CDC5L: variants seen among roughly 807,000 people sequenced by gnomAD.
CDC5L encodes the protein cell division cycle 5-like protein.
Under a neutral mutation model 104.1 loss-of-function variants are expected in CDC5L, and 18 were observed. The observed-to-expected ratio is 0.17, with a 90% CI of 0.12 to 0.26. The LOEUF (loss-of-function observed/expected upper bound fraction) is 0.26. Ranked by LOEUF, CDC5L falls within the 10% of genes least tolerant of loss-of-function variation. CDC5L has a pLI of 1.00. For synonymous variants in CDC5L, 331 were observed against 322.7 expected (o/e 1.03, Z -0.28); for missense variants, 673 against 956.9 (o/e 0.70, Z 3.91).
chr6:44,428,854 G>A (rs1329084615), intron 13 of CDC5L, among the ~76,000 whole-genome samples: 2 of 152,126 alleles, frequency 1.3e-5, no homozygotes, highest in Non-Finnish European at 2.9e-5. Context: ...ACAAAAAGAT[G>A]CCTAGCTCCC....
chr6:44,415,105 C>G (rs1381093806), intron 8 of CDC5L, among the ~76,000 whole-genome samples: 1 of 152,176 alleles, frequency 6.6e-6, no homozygotes, highest in African/African-American at 2.4e-5. Flanking sequence ...GGGTTTATTT[C>G]TGGACTTTCA....
At chr6:44,400,951 A>G (rs1466464724) in intron 5 of CDC5L, among the ~76,000 whole-genome samples, 1 of 151,976 alleles carries the variant, frequency 6.6e-6, no homozygotes, top group Non-Finnish European at 1.5e-5. Context: ...AGTGTTTGAG[A>G]TTTATTCTCA....
intron 13 of CDC5L, among the ~76,000 whole-genome samples, chr6:44,428,990 T>C (rs1177359520): frequency 1.3e-5 from 2 of 151,170 alleles, no homozygotes; most frequent in South Asian, 2.1e-4. Context: ...AGTGGTTGAA[T>C]CTCTATGAGC....
chr6:44,426,652 C>T lies in CDC5L; in HGVS notation c.1821C>T (p.Thr607=). 6.2e-7 allele frequency: 1 copy of T among 1,612,688 alleles called. No homozygotes were observed. ...NKKGKTVGFG[T]NNSEHITYLE... is the part of the protein sequence containing the mutation. ...AAGGCAAAACTGTAGGGTTTGGTACCAATAATTCAGAGCACATTACCTATC... is the reference window on the plus strand; with the variant it reads ...AAGGCAAAACTGTAGGGTTTGGTACTAATAATTCAGAGCACATTACCTATC... The change falls in exon 13 of 16, where the codon ACC becomes ACT. Residue 607 remains threonine (T), a synonymous_variant. Coordinates refer to ENST00000371477, the MANE Select transcript of CDC5L (RefSeq NM_001253.4).
chr6:44,442,198 G>C (rs1452682441), intron 14 of CDC5L, among the ~76,000 whole-genome samples: 1 of 152,122 alleles, frequency 6.6e-6, no homozygotes, highest in Non-Finnish European at 1.5e-5. Flanking sequence ...GCCTCCCAAA[G>C]TGCTGGGATT....
chr6:44,388,658 G>T (rs1288752511), intron 1 of CDC5L, among the ~76,000 whole-genome samples: 9 of 145,810 alleles, frequency 6.2e-5, no homozygotes, highest in Admixed American at 5.5e-4. Context: ...TCTTTTTTTC[G>T]TTACATTTTA....
chr6:44,417,662 G>T (rs1791965691), intron 8 of CDC5L, among the ~76,000 whole-genome samples: 1 of 152,198 alleles, frequency 6.6e-6, no homozygotes. Flanking sequence ...TGAGGACAGG[G>T]TTACAGTGAA....
rs546181837 is a variant in CDC5L, at chr6:44,434,621, G to A, written c.2091+4711G>A. On this transcript the variant is annotated intron_variant, in intron 14 of 15. Transcript: ENST00000371477. ...TAAACCTGTTTTTCCAGTGGTATAA[G>A]GTTATATTCTGGGCCCCCAAGCAAG... Among the ~76,000 whole-genome samples, 330 of 152,238 alleles carry A rather than the reference G, an allele frequency of 2.2e-3. 1 individual carries two copies. The highest frequency in any genetic ancestry group is 7.6e-3 in the African/African-American group (316 of 41,544).
intron 4 of CDC5L, among the ~76,000 whole-genome samples, 153 bp from the exon 5 acceptor site, chr6:44,396,188 A>G (rs188019926): frequency 1.9e-4 from 29 of 152,326 alleles, no homozygotes; most frequent in Admixed American, 5.9e-4. Flanking sequence ...TTTGACTTCA[A>G]AACTCAAGCT....
At chr6:44,426,281 T>C in intron 12 of CDC5L, 98 bp downstream of exon 12, 1 of 898,546 alleles carries the variant, frequency 1.1e-6, no homozygotes, top group Non-Finnish European at 1.7e-6. Context: ...CAAAATTTCA[T>C]CTACTTTCTG....
Position 44,387,723 on chromosome 6 carries a change from G to C in CDC5L, c.-101G>C. ...GCGCAGATCTTCAAAGCAGAAGGTC[G>C]CGCTTGGAGGAAGTGGCGGCTTTGA... On this transcript the variant is annotated 5_prime_UTR_variant, in exon 1 of 16. Transcript: ENST00000371477. The C allele has an allele frequency of 9.6e-7, 1 of 1,043,578 alleles. No homozygotes were observed. The highest frequency in any genetic ancestry group is 2.6e-5 in the East Asian group (1 of 38,382). 64.6% of individuals were successfully genotyped at this position (1,043,578 alleles called of 1,614,324 possible).
chr6:44,391,917 G>A (rs1387881090), intron 2 of CDC5L, among the ~76,000 whole-genome samples: 1 of 152,178 alleles, frequency 6.6e-6, no homozygotes, highest in East Asian at 1.9e-4. Flanking sequence ...GAACCCAGGA[G>A]GTGGAGGTTG....
chr6:44,412,530 C>A (rs1791693125), intron 8 of CDC5L, among the ~76,000 whole-genome samples: 1 of 151,736 alleles, frequency 6.6e-6, no homozygotes, highest in Admixed American at 6.6e-5. Flanking sequence ...ACCTGACCCC[C>A]CACTTTTTTC....
At position 44,406,960 on chromosome 6, in the gene CDC5L, A is replaced by C. The variant is rs11571955; in HGVS notation, c.903+493A>C. Among the ~76,000 whole-genome samples, 657 of 152,286 alleles carry C rather than the reference A, an allele frequency of 4.3e-3. 1 individual carries two copies. The highest frequency in any genetic ancestry group is 8.1e-3 in the Non-Finnish European group (553 of 68,012). On this transcript the variant is annotated intron_variant, in intron 7 of 15. Transcript: ENST00000371477. ...AAAAAACAAAAAAAACCCCACAAGT[A>C]ATTGTGATATAGTATGATAAGATAG... is the stretch of plus-strand genomic sequence containing the variant.
chr6:44,393,341 C>A, intron 3 of CDC5L, 105 bp from the exon 4 acceptor site: 1 of 968,908 alleles, frequency 1.0e-6, no homozygotes, highest in Non-Finnish European at 1.5e-6. Context: ...AAAGCCCATC[C>A]ATTGGTTTTT....
intron 8 of CDC5L, among the ~76,000 whole-genome samples, chr6:44,415,159 A>G (rs1277315598): frequency 2.0e-5 from 3 of 152,222 alleles, no homozygotes; most frequent in African/African-American, 7.2e-5. Context: ...CCAGTACCAC[A>G]CTGTCTTAAT....
At chr6:44,392,973 A>G (rs765772900) in intron 3 of CDC5L, 145 bp downstream of exon 3, 3 of 624,174 alleles carry the variant, frequency 4.8e-6, no homozygotes, top group Admixed American at 6.1e-5. Context: ...TATTTTCCAT[A>G]TCTCAGATGG....
intron 5 of CDC5L, among the ~76,000 whole-genome samples, chr6:44,402,852 A>G (rs1345204272): frequency 1.3e-5 from 2 of 152,112 alleles, no homozygotes; most frequent in Non-Finnish European, 2.9e-5. Context: ...TAGCCTTTTA[A>G]AAGTTTATGT....
chr6:44,408,641 T>A lies in CDC5L; in HGVS notation c.1092+9T>A. The A allele has an allele frequency of 6.3e-7, 1 of 1,577,904 alleles. No homozygotes were observed. The highest frequency in any genetic ancestry group is 8.7e-7 in the Non-Finnish European group (1 of 1,155,236). ...AGGACAGAATTCTGCAGGTAACGTG[T>A]CACGTAGTAGAATGAGGCTTTTACT... On this transcript the variant is annotated intron_variant, in intron 8 of 15. Transcript: ENST00000371477.
Sources: gnomAD v4.1 joint callset for allele counts (sites outside exome capture counted in the v4.1 genomes callset) on GRCh38, gnomAD v4.1.1 for gene constraint, MANE v1.5 for transcripts, NCBI Gene and HGNC (gene_info 2026-07-23, HGNC 2026-07-21) for gene names.